Variants in ARHGAP35 observed in about 807,000 individuals in gnomAD.
ARHGAP35 encodes the protein Rho GTPase activating protein 35.
In ARHGAP35, 15 loss-of-function variants were observed where a neutral mutation model predicts 111.1. The observed-to-expected ratio is 0.13, with a 90% CI of 0.09 to 0.21. The LOEUF is 0.21. ARHGAP35 is among the 10% of genes least tolerant of loss of function. The pLI is 1.00. For synonymous variants in ARHGAP35, 643 were observed against 710.3 expected (o/e 0.91, Z 1.51); for missense variants, 1,262 against 1,873.0 (o/e 0.67, Z 6.02).
chr19:46,950,889 T>C (rs1353217263), intron 3 of ARHGAP35, among the ~76,000 whole-genome samples: 2 of 152,226 alleles, frequency 1.3e-5, no homozygotes, highest in Non-Finnish European at 2.9e-5. Context: ...CAAGAACACC[T>C]AGCAGTGAGA....
intron 1 of ARHGAP35, among the ~76,000 whole-genome samples, chr19:46,867,233 T>A (rs2055862983): frequency 6.6e-6 from 1 of 152,240 alleles, no homozygotes; most frequent in Non-Finnish European, 1.5e-5. Flanking sequence ...ATCTCTCTCA[T>A]CTTCCTTTAT....
intron 3 of ARHGAP35, among the ~76,000 whole-genome samples, chr19:46,972,508 G>A (rs971727961): frequency 4.6e-5 from 7 of 152,182 alleles, no homozygotes; most frequent in African/African-American, 1.4e-4. Flanking sequence ...AGACTTAGGC[G>A]TGCGGCGCAC....
intron 1 of ARHGAP35, among the ~76,000 whole-genome samples, chr19:46,885,360 A>G (rs2055988361): frequency 6.6e-6 from 1 of 152,218 alleles, no homozygotes; most frequent in Admixed American, 6.5e-5. Flanking sequence ...AATCCACATA[A>G]CAACCCAATG....
chr19:46,982,205 G>A lies in ARHGAP35; in HGVS notation c.3827-5784G>A, dbSNP rs184473738. Among the ~76,000 whole-genome samples, 271 of 152,138 alleles carry A rather than the reference G, an allele frequency of 1.8e-3. 1 individual carries two copies. The highest frequency in any genetic ancestry group is 0.017 in the Middle Eastern group (5 of 294). Reference sequence around the variant, plus strand: ...AAAACTGTGTAAAGGAGCCGGGTGCGGTGGCTCATGCCTGTAATCCCAGCA... The same window carrying A: ...AAAACTGTGTAAAGGAGCCGGGTGCAGTGGCTCATGCCTGTAATCCCAGCA... On this transcript the variant is annotated intron_variant, in intron 3 of 6. Transcript: ENST00000672722.
intron 1 of ARHGAP35, among the ~76,000 whole-genome samples, chr19:46,868,988 C>T (rs2055873624): frequency 7.0e-6 from 1 of 143,508 alleles, no homozygotes; most frequent in South Asian, 2.3e-4. Flanking sequence ...TCACTACAAC[C>T]TTCACCTTCC....
chr19:46,905,299 G>A (rs996754768), intron 1 of ARHGAP35, among the ~76,000 whole-genome samples: 5 of 152,086 alleles, frequency 3.3e-5, no homozygotes, highest in South Asian at 2.1e-4. Flanking sequence ...AGGCTGAGGC[G>A]GGTGGATCAG....
At chr19:46,983,084 A>AAATT in intron 3 of ARHGAP35, among the ~76,000 whole-genome samples, 1 of 141,558 alleles carries the variant, frequency 7.1e-6, no homozygotes, top group East Asian at 2.0e-4. Flanking sequence ...AAAAAAAAAA[A>AAATT]TTCTTGGGCT....
At chr19:46,874,810 C>CT (rs537873271) in intron 1 of ARHGAP35, among the ~76,000 whole-genome samples, 914 of 88,154 alleles carry the variant, frequency 0.01, 16 homozygotes, top group African/African-American at 0.032. Flanking sequence ...CAGTTTTGTC[C>CT]TTTTTTTTTT....
In ARHGAP35 at chr19:46,937,557, G is replaced by A; in HGVS notation, c.3826+149G>A. ...AGCTGAGCAGTCCCAACAGTTGTCA[G>A]ATGTGTAGATTCTCCATTTGTGTGC... On this transcript the variant is annotated intron_variant, in intron 3 of 6. Coordinates refer to ENST00000672722, the MANE Select transcript of ARHGAP35 (RefSeq NM_004491.5). The A allele has an allele frequency of 5.7e-6, 5 of 870,280 alleles. No individual in the cohort carries two copies. The South Asian group carries it at 8.7e-5, about 15-fold the overall frequency. The allele number at this position is 870,280 out of a possible 1,614,324, so 53.9% of individuals were successfully genotyped here.
chr19:46,879,713 G>A (rs1279517765), intron 1 of ARHGAP35, among the ~76,000 whole-genome samples: 2 of 151,808 alleles, frequency 1.3e-5, no homozygotes, highest in Admixed American at 1.3e-4. Flanking sequence ...GAACCCGGGA[G>A]GCTGAGGTTA....
intron 2 of ARHGAP35, among the ~76,000 whole-genome samples, chr19:46,923,339 C>T (rs143470302): frequency 0.01 from 1,528 of 152,096 alleles, 13 homozygotes; most frequent in Middle Eastern, 0.02. Context: ...TGGTCTCCAT[C>T]TCCTGACATC....
rs149794271 is a variant in ARHGAP35 at position 46,992,036 on chromosome 19, G to A, written c.4036+2361G>A. The stretch of plus-strand genomic sequence containing the variant: ...GAAAATGTACTCGCAAAATAGAGAC[G>A]TTTGTGATTATTTGCCAGTTATTTT... On this transcript the variant is annotated intron_variant, in intron 5 of 6. Coordinates refer to ENST00000672722, the MANE Select transcript of ARHGAP35 (RefSeq NM_004491.5). The surrounding 1 kb of genome is among the most constrained non-coding windows in gnomAD (Gnocchi z 4.4). Among the ~76,000 whole-genome samples, 261 of 152,312 alleles carry A rather than the reference G, an allele frequency of 1.7e-3. No homozygotes were observed. The highest frequency in any genetic ancestry group is 6.0e-3 in the African/African-American group (251 of 41,568).
At chr19:46,912,428 C>T (rs1169978282) in intron 1 of ARHGAP35, among the ~76,000 whole-genome samples, 3 of 151,866 alleles carry the variant, frequency 2.0e-5, no homozygotes, top group Admixed American at 1.3e-4. Context: ...GATCTCGGCT[C>T]ACTGCAAGCT....
intron 3 of ARHGAP35, among the ~76,000 whole-genome samples, chr19:46,978,189 G>A (rs913181376): frequency 2.6e-5 from 4 of 152,170 alleles, no homozygotes; most frequent in African/African-American, 9.7e-5. Context: ...TAGATTGCAG[G>A]GACTGGGATC....
intron 1 of ARHGAP35, among the ~76,000 whole-genome samples, chr19:46,871,928 G>A (rs535707785): frequency 5.3e-5 from 8 of 152,012 alleles, no homozygotes; most frequent in South Asian, 2.1e-4. Flanking sequence ...TGCAGTGAGC[G>A]GAGATTATGC....
At position 46,873,983 on chromosome 19, in the gene ARHGAP35, G is replaced by T. The variant is rs1408237428; in HGVS notation, c.-189+12774G>T. ...GGCTGGTCTCAAACTCCTGACCTCA[G>T]GTGATCTGCCCGCTTCAGCCTCCCA... On this transcript the variant is annotated intron_variant, in intron 1 of 6. Coordinates refer to ENST00000672722, the MANE Select transcript of ARHGAP35 (RefSeq NM_004491.5). Among the ~76,000 whole-genome samples, 18 of 151,962 alleles carry T rather than the reference G, an allele frequency of 1.2e-4. 1 individual carries two copies.
intron 1 of ARHGAP35, among the ~76,000 whole-genome samples, chr19:46,911,101 A>G (rs1439193536): frequency 6.6e-6 from 1 of 152,198 alleles, no homozygotes; most frequent in African/African-American, 2.4e-5. Context: ...CCATTCTTGG[A>G]AACCCTTTTC....
intron 1 of ARHGAP35, among the ~76,000 whole-genome samples, chr19:46,907,634 A>T (rs2056117290): frequency 6.7e-6 from 1 of 149,186 alleles, no homozygotes; most frequent in Non-Finnish European, 1.5e-5. Context: ...GCCCACCACT[A>T]TGACCGGCTA....
chr19:47,001,432 A>G lies in ARHGAP35; in HGVS notation c.*744A>G. 7.9e-7 allele frequency: 1 copy of G among 1,267,628 alleles called. No individual in the cohort carries two copies. The highest frequency in any genetic ancestry group is 1.0e-6 in the Non-Finnish European group (1 of 969,198). 78.5% of individuals were successfully genotyped at this position (1,267,628 alleles called of 1,614,324 possible). On this transcript the variant is annotated 3_prime_UTR_variant, in exon 7 of 7. Coordinates refer to ENST00000672722, the MANE Select transcript of ARHGAP35 (RefSeq NM_004491.5). The surrounding 1 kb of genome is among the most constrained non-coding windows in gnomAD (Gnocchi z 5.4). ...AAAAAGGAAGAAACCACAGAAAGAA[A>G]ACTACAGACCTCAAGATTCCACTCT...
Sources: gnomAD v4.1 joint callset for allele counts (sites outside exome capture counted in the v4.1 genomes callset) on GRCh38, gnomAD v4.1.1 for gene constraint, Gnocchi (gnomAD v3.1) non-coding constraint, MANE v1.5 for transcripts, NCBI Gene and HGNC (gene_info 2026-07-23, HGNC 2026-07-21) for gene names.